The following SYNPR variants were observed in gnomAD, a reference collection of about 807,000 sequenced individuals.
SYNPR encodes the protein synaptoporin.
SYNPR carries 23 observed loss-of-function variants against 32.9 expected under a neutral mutation model. That is an observed-to-expected ratio of 0.70 (90% confidence interval 0.50 to 0.99). SYNPR has a LOEUF of 0.99. Among genes scored for constraint, SYNPR ranks in the 50% least tolerant of loss-of-function variants. The pLI, the probability that SYNPR is intolerant of heterozygous loss-of-function variation, is 0.00. For missense variants in SYNPR, 318 were observed against 349.3 expected (o/e 0.91, Z 0.71); for synonymous variants, 146 against 135.9 (o/e 1.07, Z -0.52).
At chr3:63,585,936 A>G (rs1406942962) in intron 4 of SYNPR, among the ~76,000 whole-genome samples, 3 of 152,084 alleles carry the variant, frequency 2.0e-5, no homozygotes, top group Non-Finnish European at 4.4e-5. Context: ...TCAGAATAAA[A>G]ACATCTATGA....
intron 5 of SYNPR, among the ~76,000 whole-genome samples, chr3:63,613,739 A>G (rs140460242): frequency 6.6e-6 from 1 of 151,660 alleles, no homozygotes; most frequent in African/African-American, 2.4e-5. Context: ...CTGTCCAGCT[A>G]CTTTACACAC....
At chr3:63,598,205 T>C (rs1046458014) in intron 4 of SYNPR, among the ~76,000 whole-genome samples, 1 of 152,194 alleles carries the variant, frequency 6.6e-6, no homozygotes, top group African/African-American at 2.4e-5. Context: ...TTTATCAATA[T>C]CCAGTGGAGT....
rs541831686 is a variant in SYNPR, at chr3:63,451,659, C to T, written c.85-29173C>T. Among the ~76,000 whole-genome samples the T allele has an allele frequency of 2.2e-4, 33 of 152,140 alleles. No individual in the cohort carries two copies. In the South Asian group the frequency reaches 3.1e-3, roughly 14 times the overall value. ...TCAGTTTCTAACACTGTGACTTCAA[C>T]GCTCTCCCCTCTCCACATGATCCTG... On this transcript the variant is annotated intron_variant, in intron 2 of 5. Transcript: ENST00000478300.
intron 3 of SYNPR, among the ~76,000 whole-genome samples, chr3:63,556,221 A>G (rs1233376525): frequency 6.6e-6 from 1 of 152,198 alleles, no homozygotes; most frequent in Non-Finnish European, 1.5e-5. Flanking sequence ...GCCCTGTTAA[A>G]GAGAGGAAGC....
chr3:63,228,520 T>C (rs2086145832), intron 1 of SYNPR: 1 of 152,160 alleles, frequency 6.6e-6, no homozygotes, highest in Non-Finnish European at 1.5e-5. Context: ...TTGTGAAACT[T>C]TTCTGGGTAT....
chr3:63,538,221 C>G (rs964415444), intron 3 of SYNPR, among the ~76,000 whole-genome samples: 1 of 151,926 alleles, frequency 6.6e-6, no homozygotes, highest in African/African-American at 2.4e-5. Flanking sequence ...GATAAGAAAC[C>G]ACTATAAGTA....
intron 1 of SYNPR, among the ~76,000 whole-genome samples, chr3:63,231,577 A>G (rs946177275): frequency 5.6e-5 from 8 of 142,330 alleles, no homozygotes; most frequent in Admixed American, 3.5e-4. Context: ...AATTACTTCC[A>G]TAATGATAAA....
At chr3:63,437,643 T>TAGGG (rs568687989) in intron 2 of SYNPR, among the ~76,000 whole-genome samples, 75 of 86,178 alleles carry the variant, frequency 8.7e-4, no homozygotes, top group Non-Finnish European at 1.4e-3. Context: ...TGAAGGGAGG[T>TAGGG]AGGGAGGGAG....
intron 2 of SYNPR, among the ~76,000 whole-genome samples, chr3:63,331,172 G>C (rs1390439203): frequency 1.3e-5 from 2 of 152,106 alleles, no homozygotes; most frequent in Non-Finnish European, 2.9e-5. Context: ...CTTAAATCTA[G>C]ATGAAGCCTC....
At chr3:63,426,130 C>G (rs1292769294) in intron 2 of SYNPR, among the ~76,000 whole-genome samples, 3 of 152,162 alleles carry the variant, frequency 2.0e-5, no homozygotes, top group African/African-American at 7.2e-5. Context: ...AAGTGTTCAA[C>G]AAAAGTTTGC....
intron 2 of SYNPR, among the ~76,000 whole-genome samples, chr3:63,408,311 GGAAGGAAGGAAAGAAAGAAA>G (rs1283289408): frequency 2.8e-5 from 2 of 72,312 alleles, no homozygotes; most frequent in African/African-American, 1.8e-4. Flanking sequence ...AAGGAAGGAA[GGAAGGAAGGAAAGAAAGAAA>G]GAAAGAAAGA....
At chr3:63,226,441 G>A (rs747806232), upstream of SYNPR, among the ~76,000 whole-genome samples, 6 of 152,006 alleles carry the variant, frequency 3.9e-5, no homozygotes, top group Admixed American at 2.0e-4. Flanking sequence ...GCAAAGATAT[G>A]GAATCAACCT....
chr3:63,410,508 C>G (rs1350632685), intron 2 of SYNPR, among the ~76,000 whole-genome samples: 1 of 152,062 alleles, frequency 6.6e-6, no homozygotes, highest in Non-Finnish European at 1.5e-5. Flanking sequence ...GGCTCATTAC[C>G]AAAAGGAAGA....
At chr3:63,204,759 C>A in the SYNPR span, among the ~76,000 whole-genome samples, 2 of 152,122 alleles carry the variant, frequency 1.3e-5, no homozygotes, top group Non-Finnish European at 2.9e-5. Flanking sequence ...TCTAGACTCA[C>A]TGCAACCTCC....
At chr3:63,388,692 G>A (rs765195280) in intron 2 of SYNPR, among the ~76,000 whole-genome samples, 18 of 151,616 alleles carry the variant, frequency 1.2e-4, no homozygotes, top group Admixed American at 2.6e-4. Flanking sequence ...AGTTGCTAAC[G>A]CCTGGGATTA....
rs17068062 is a variant in SYNPR at position 63,278,967 on chromosome 3, C to T, written c.84+225C>T. Among the ~76,000 whole-genome samples the T allele has an allele frequency of 6.1e-3, 936 of 152,242 alleles. 6 individuals are homozygous for T. The highest frequency in any genetic ancestry group is 0.021 in the African/African-American group (889 of 41,546). ...GAGTGTGGACGCATTTTTGCAGGGG[C>T]TTAGACAAGTGTCGTCTCACCTCAC... On this transcript the variant is annotated intron_variant, in intron 2 of 5. Transcript: ENST00000478300.
At chr3:63,610,173 A>C (rs1700179931) in intron 5 of SYNPR, among the ~76,000 whole-genome samples, 1 of 152,206 alleles carries the variant, frequency 6.6e-6, no homozygotes, top group Non-Finnish European at 1.5e-5. Flanking sequence ...ACTTCGGAAA[A>C]GCTGCACTGT....
chr3:63,394,974 A>C (rs2088192404), intron 2 of SYNPR, among the ~76,000 whole-genome samples: 1 of 152,182 alleles, frequency 6.6e-6, no homozygotes, highest in Non-Finnish European at 1.5e-5. Flanking sequence ...AAATAGACTT[A>C]TTATGCATCT....
chr3:63,607,812 C>T (rs749002790), intron 4 of SYNPR, among the ~76,000 whole-genome samples: 28 of 152,112 alleles, frequency 1.8e-4, no homozygotes, highest in Non-Finnish European at 3.5e-4. Context: ...GGCACCACAG[C>T]ATCTATAGAG....
Sources: allele counts gnomAD v4.1 joint callset (sites outside exome capture counted in the v4.1 genomes callset), GRCh38; gene constraint gnomAD v4.1.1; transcripts MANE v1.5; gene names NCBI Gene and HGNC (gene_info 2026-07-23, HGNC 2026-07-21).